Variants in TM9SF2 observed in about 807,000 individuals in gnomAD.
TM9SF2 encodes transmembrane 9 superfamily member 2.
TM9SF2 carries 13 observed loss-of-function variants against 84.9 expected under a neutral mutation model. The observed-to-expected ratio is 0.15, with a 90% CI of 0.10 to 0.24. The LOEUF (loss-of-function observed/expected upper bound fraction) is 0.24, where lower values mean the gene tolerates loss of function less well. Among genes scored for constraint, TM9SF2 ranks in the 10% least tolerant of loss-of-function variants. TM9SF2 has a pLI of 1.00. For synonymous variants in TM9SF2, 273 were observed against 285.8 expected (o/e 0.96, Z 0.45); for missense variants, 562 against 818.5 (o/e 0.69, Z 3.82).
intron 12 of TM9SF2, among the ~76,000 whole-genome samples, chr13:99,550,181 T>A (rs2046299987): frequency 6.6e-6 from 1 of 152,210 alleles, no homozygotes; most frequent in African/African-American, 2.4e-5. Flanking sequence ...GGTTCTTTTA[T>A]TCCTCCAAAT....
Position 99,543,995 on chromosome 13 carries a change from T to G in TM9SF2, c.1150T>G (p.Phe384Val), listed in dbSNP as rs1328089151. 6.2e-7 allele frequency: 1 copy of G among 1,611,782 alleles called. No individual in the cohort carries two copies. The highest frequency in any genetic ancestry group is 1.7e-5 in the Admixed American group (1 of 59,160). The change falls in exon 10 of 17, where the codon TTT (phenylalanine) becomes GTT (valine). Residue 384 changes from phenylalanine (F) to valine (V), a missense_variant and splice_region_variant. This residue lies in a region of TM9SF2 where 219 missense variants were observed against 338.1 expected (regional missense o/e 0.65). Coordinates refer to ENST00000376387, the MANE Select transcript of TM9SF2 (RefSeq NM_004800.3). ...QILIMTFVTL[F>V]FACLGFLSPA... ...TTTAATTATGACCTTTGTGACTCTA[T>G]GTAAGTGTTAACTGAAAATTTTCAA...
In TM9SF2 at chr13:99,518,391, G is replaced by A. The variant is rs141539804; in HGVS notation, c.239+710G>A. Reference sequence around the variant, plus strand: ...CTCCCAAAGTGATGGGATTACAGGCGTGAGCCACTGCACCTGGCCCATACT... The same window carrying A: ...CTCCCAAAGTGATGGGATTACAGGCATGAGCCACTGCACCTGGCCCATACT... On this transcript the variant is annotated intron_variant, in intron 2 of 16. Transcript: ENST00000376387. Among the ~76,000 whole-genome samples the A allele has an allele frequency of 1.2e-3, 184 of 152,244 alleles. 2 individuals are homozygous for A. Among genetic ancestry groups the A allele is most frequent in the African/African-American group, 4.1e-3 (172 of 41,532 alleles).
In TM9SF2 at chr13:99,501,526, T is replaced by C; in HGVS notation, c.-81T>C. ...CGGCTTCCTTTATCTCTGGCGGCCT[T>C]GTAGTCGTCTCCGAGACTCCCCACC... On this transcript the variant is annotated 5_prime_UTR_variant, in exon 1 of 17. Coordinates refer to ENST00000376387, the MANE Select transcript of TM9SF2 (RefSeq NM_004800.3). The C allele has an allele frequency of 6.5e-7, 1 of 1,528,080 alleles. No individual in the cohort carries two copies. The highest frequency in any genetic ancestry group is 1.2e-5 in the South Asian group (1 of 83,100). 94.7% of individuals were successfully genotyped at this position (1,528,080 alleles called of 1,614,324 possible).
chr13:99,537,960 T>C (rs572895292), intron 6 of TM9SF2, 97 bp downstream of exon 6: 1 of 1,436,288 alleles, frequency 7.0e-7, no homozygotes, highest in South Asian at 1.4e-5. Flanking sequence ...TATTCTGACA[T>C]TTCAGGATTG....
At chr13:99,534,307 C>G (rs1040517602) in intron 4 of TM9SF2, among the ~76,000 whole-genome samples, 4 of 152,114 alleles carry the variant, frequency 2.6e-5, no homozygotes, top group South Asian at 4.1e-4. Flanking sequence ...CAGATCCCAC[C>G]AAGTTAGCAA....
chr13:99,510,751 A>G (rs1224432550), intron 1 of TM9SF2, among the ~76,000 whole-genome samples: 1 of 152,228 alleles, frequency 6.6e-6, no homozygotes, highest in Non-Finnish European at 1.5e-5. Context: ...TGGAGAATAC[A>G]ATTTGACATG....
chr13:99,524,057 T>A (rs561620584), intron 3 of TM9SF2, among the ~76,000 whole-genome samples: 1 of 152,216 alleles, frequency 6.6e-6, no homozygotes, highest in South Asian at 2.1e-4. Context: ...TAGTAGGCAG[T>A]GGGCACAGAG....
chr13:99,549,234 T>A lies in TM9SF2; in HGVS notation c.1328+12T>A, dbSNP rs1180199887. 6.2e-7 allele frequency: 1 copy of A among 1,609,942 alleles called. No individual in the cohort carries two copies. The highest frequency in any genetic ancestry group is 8.5e-7 in the Non-Finnish European group (1 of 1,177,134). ...TTTCTTTGTCCTGGGTAAGTGAATT[T>A]TTCAAGAATTACTTTCTTAACATAG... On this transcript the variant is annotated intron_variant, in intron 12 of 16. Coordinates refer to ENST00000376387, the MANE Select transcript of TM9SF2 (RefSeq NM_004800.3).
intron 3 of TM9SF2, among the ~76,000 whole-genome samples, chr13:99,525,503 A>G (rs1373210007): frequency 1.3e-5 from 2 of 151,924 alleles, no homozygotes; most frequent in Non-Finnish European, 2.9e-5. Context: ...TGGCCTCCCA[A>G]AGTGCTGGGA....
intron 5 of TM9SF2, 82 bp downstream of exon 5, chr13:99,536,819 AT>A: frequency 6.7e-7 from 1 of 1,497,870 alleles, no homozygotes; most frequent in Non-Finnish European, 9.1e-7. Context: ...AAAAATTGTT[AT>A]ATTCATTGAA....
In TM9SF2 at chr13:99,501,516, C is replaced by T. The variant is rs769287186; in HGVS notation, c.-91C>T. ...TTCTGGGGGCCGGCTTCCTTTATCTCTGGCGGCCTTGTAGTCGTCTCCGAG... is the reference window on the plus strand; with the variant it reads ...TTCTGGGGGCCGGCTTCCTTTATCTTTGGCGGCCTTGTAGTCGTCTCCGAG... On this transcript the variant is annotated 5_prime_UTR_variant, in exon 1 of 17. Coordinates refer to ENST00000376387, the MANE Select transcript of TM9SF2 (RefSeq NM_004800.3). 12 of 1,486,760 alleles carry T rather than the reference C, an allele frequency of 8.1e-6. No individual in the cohort carries two copies. In the East Asian group the frequency reaches 2.4e-4, roughly 29 times the overall value. 92.1% of individuals were successfully genotyped at this position (1,486,760 alleles called of 1,614,324 possible).
intron 2 of TM9SF2, among the ~76,000 whole-genome samples, chr13:99,519,142 T>A (rs1180647630): frequency 1.3e-5 from 2 of 152,150 alleles, no homozygotes; most frequent in Non-Finnish European, 2.9e-5. Context: ...ACAGAAGACA[T>A]GAATGGGTAG....
chr13:99,554,290 T>G lies in TM9SF2; in HGVS notation c.1489-14T>G. ...TACGTAATTATGAATTCTTCCTTCC[T>G]TTTTTTACTGAAGGCCATTGAACAC... On this transcript the variant is annotated splice_polypyrimidine_tract_variant and intron_variant, in intron 13 of 16. Coordinates refer to ENST00000376387, the MANE Select transcript of TM9SF2 (RefSeq NM_004800.3). The G allele has an allele frequency of 6.3e-7, 1 of 1,598,524 alleles. No individual in the cohort carries two copies. Among genetic ancestry groups the G allele is most frequent in the Non-Finnish European group, 8.5e-7 (1 of 1,172,122 alleles).
At position 99,501,561 on chromosome 13, in the gene TM9SF2, C is replaced by G; in HGVS notation, c.-46C>G. On this transcript the variant is annotated 5_prime_UTR_variant, in exon 1 of 17. Transcript: ENST00000376387. ...TCCGAGACTCCCCACCCCTCCTTCC[C>G]TCTTGACCCCCTAGGTTTGATTGCC... The G allele has an allele frequency of 7.5e-6, 12 of 1,595,528 alleles. No homozygotes were observed. The highest frequency in any genetic ancestry group is 1.0e-5 in the Non-Finnish European group (12 of 1,171,246).
In TM9SF2 at chr13:99,563,315, A is replaced by G. The variant is rs2046351958; in HGVS notation, c.*557A>G. The G allele has an allele frequency of 6.6e-6, 1 of 152,184 alleles. No homozygotes were observed. Among genetic ancestry groups the G allele is most frequent in the African/African-American group, 2.4e-5 (1 of 41,446 alleles). The allele number at this position is 152,184 out of a possible 1,614,324, so 9.4% of individuals were successfully genotyped here. A position where few individuals can be genotyped will look rare whatever the true frequency, so the allele number is the denominator to read the frequency against. ...GTGTTGACTTCATTATTCCCATGGTATTGGCCTTTTAAACTATGTGCCTCT... is the reference window on the plus strand; with the variant it reads ...GTGTTGACTTCATTATTCCCATGGTGTTGGCCTTTTAAACTATGTGCCTCT... On this transcript the variant is annotated 3_prime_UTR_variant, in exon 17 of 17. Coordinates refer to ENST00000376387, the MANE Select transcript of TM9SF2 (RefSeq NM_004800.3).
chr13:99,527,550 A>G (rs1002378731), intron 3 of TM9SF2, among the ~76,000 whole-genome samples: 1 of 152,154 alleles, frequency 6.6e-6, no homozygotes. Flanking sequence ...TCCCTCCCCC[A>G]ACACGTGGGG....
chr13:99,520,516 C>T (rs1205695141), intron 3 of TM9SF2, among the ~76,000 whole-genome samples: 1 of 152,166 alleles, frequency 6.6e-6, no homozygotes, highest in Non-Finnish European at 1.5e-5. Flanking sequence ...AGACACTCTC[C>T]GTTAGCACGT....
chr13:99,556,087 C>T (rs1023758423), intron 15 of TM9SF2, among the ~76,000 whole-genome samples: 2 of 152,072 alleles, frequency 1.3e-5, no homozygotes, highest in African/African-American at 4.8e-5. Context: ...GTAATGAGTT[C>T]TATTCATGGC....
chr13:99,540,785 G>T lies in TM9SF2; in HGVS notation c.900G>T (p.Gln300His), dbSNP rs1452758309. ...AGTCTATGCCTCATACCCACATTCA[G>T]TGGTTTAGGTAAGAGTACAGAGTTA... ...ILESMPHTHI[Q>H]WFSIMNSLVI... The change falls in exon 8 of 17, where the codon CAG becomes CAT. Residue 300 changes from glutamine to histidine, a missense_variant. By Grantham distance (24) the Gln-to-His change is conservative (BLOSUM62 0). Transcript: ENST00000376387. 1 of 1,613,614 alleles carries T rather than the reference G, an allele frequency of 6.2e-7. No individual in the cohort carries two copies.
Sources: allele counts gnomAD v4.1 joint callset (sites outside exome capture counted in the v4.1 genomes callset), GRCh38; gene constraint gnomAD v4.1.1; regional missense constraint gnomAD v4.1.1; transcripts MANE v1.5; gene names NCBI Gene and HGNC (gene_info 2026-07-23, HGNC 2026-07-21).